Variants in PCDH9 observed in about 807,000 individuals in gnomAD.
PCDH9 encodes the protein protocadherin 9.
In PCDH9, 24 loss-of-function variants were observed where a neutral mutation model predicts 70.6. That is an observed-to-expected ratio of 0.34 (90% CI 0.25 to 0.48). The LOEUF (loss-of-function observed/expected upper bound fraction) is 0.48, where lower values mean the gene tolerates loss of function less well. PCDH9 is among the 20% of genes least tolerant of loss of function. The pLI is 0.99. For missense variants in PCDH9, 1,281 were observed against 1,503.6 expected (o/e 0.85, Z 2.45); for synonymous variants, 562 against 558.5 (o/e 1.01, Z -0.09).
At chr13:66,368,573 G>GTA (rs147768914) in intron 4 of PCDH9, among the ~76,000 whole-genome samples, 55 of 150,350 alleles carry the variant, frequency 3.7e-4, no homozygotes, top group East Asian at 7.8e-4. Context: ...GTATATTCGT[G>GTA]TATATATATA....
chr13:66,860,998 T>C (rs568907075), intron 3 of PCDH9, among the ~76,000 whole-genome samples: 3 of 152,314 alleles, frequency 2.0e-5, no homozygotes, highest in Non-Finnish European at 2.9e-5. Context: ...CCCACTTGAG[T>C]GCATTGACTT....
At chr13:66,709,300 C>T (rs2078760389) in intron 3 of PCDH9, among the ~76,000 whole-genome samples, 1 of 152,196 alleles carries the variant, frequency 6.6e-6, no homozygotes, top group African/African-American at 2.4e-5. Context: ...CTATATTTTA[C>T]ATTGCTATTT....
At chr13:67,138,589 C>T (rs534183585) in intron 2 of PCDH9, among the ~76,000 whole-genome samples, 8 of 152,250 alleles carry the variant, frequency 5.3e-5, no homozygotes, top group Admixed American at 4.6e-4. Flanking sequence ...GGGCGTACCC[C>T]GAGTCACCAA....
intron 4 of PCDH9, among the ~76,000 whole-genome samples, chr13:66,547,351 C>T (rs1176421358): frequency 2.0e-5 from 3 of 152,256 alleles, no homozygotes; most frequent in South Asian, 2.1e-4. Flanking sequence ...TAATATTCTG[C>T]ATTTCATAGT....
chr13:66,899,260 A>G (rs964816859), intron 3 of PCDH9, among the ~76,000 whole-genome samples: 1 of 151,976 alleles, frequency 6.6e-6, no homozygotes, highest in Non-Finnish European at 1.5e-5. Context: ...GATTTATAGC[A>G]GTGGCCCATC....
chr13:66,618,058 C>T (rs1201662339), intron 4 of PCDH9, among the ~76,000 whole-genome samples: 1 of 152,148 alleles, frequency 6.6e-6, no homozygotes, highest in Non-Finnish European at 1.5e-5. Context: ...CCCTCCTCTT[C>T]CTGGGTGGAA....
chr13:66,346,944 C>A (rs558973392), intron 4 of PCDH9, among the ~76,000 whole-genome samples: 1 of 152,160 alleles, frequency 6.6e-6, no homozygotes, highest in South Asian at 2.1e-4. Context: ...AGTGGAAATA[C>A]AAATGCTAAT....
chr13:66,848,521 C>T (rs772215268), intron 3 of PCDH9, among the ~76,000 whole-genome samples: 20 of 152,130 alleles, frequency 1.3e-4, no homozygotes, highest in Non-Finnish European at 2.1e-4. Flanking sequence ...AATATCCACA[C>T]TCTGTCACTA....
intron 3 of PCDH9, among the ~76,000 whole-genome samples, chr13:66,834,800 C>A (rs1322395842): frequency 6.6e-6 from 1 of 152,186 alleles, no homozygotes; most frequent in African/African-American, 2.4e-5. Flanking sequence ...GTAAGTGAAG[C>A]TTCCTACTGA....
intron 2 of PCDH9, among the ~76,000 whole-genome samples, chr13:66,913,544 T>A (rs538293543): frequency 6.6e-6 from 1 of 152,164 alleles, no homozygotes; most frequent in Non-Finnish European, 1.5e-5. Flanking sequence ...TCTATCATCA[T>A]CTGACTTAGT....
chr13:66,677,774 C>G (rs1053517314), intron 3 of PCDH9, among the ~76,000 whole-genome samples: 4 of 152,100 alleles, frequency 2.6e-5, no homozygotes, highest in Admixed American at 6.6e-5. Flanking sequence ...CGAAAGCCTA[C>G]AGAATTGTGA....
intron 2 of PCDH9, among the ~76,000 whole-genome samples, chr13:67,135,170 G>T (rs1278302430): frequency 6.6e-6 from 1 of 152,044 alleles, no homozygotes; most frequent in Non-Finnish European, 1.5e-5. Flanking sequence ...GCAGTTGATG[G>T]CAAGATGCAG....
chr13:67,089,225 C>A (rs1330949409), intron 2 of PCDH9, among the ~76,000 whole-genome samples: 2 of 151,940 alleles, frequency 1.3e-5, no homozygotes, highest in African/African-American at 4.8e-5. Flanking sequence ...ATTCAAATAT[C>A]ACATTTTCAC....
chr13:66,797,971 G>T (rs1188512394), intron 3 of PCDH9, among the ~76,000 whole-genome samples: 1 of 151,678 alleles, frequency 6.6e-6, no homozygotes, highest in Non-Finnish European at 1.5e-5. Flanking sequence ...GTGTGTGTGT[G>T]TGTGTGTGTG....
chr13:66,622,052 G>C (rs1310992897), intron 4 of PCDH9, among the ~76,000 whole-genome samples: 1 of 152,240 alleles, frequency 6.6e-6, no homozygotes, highest in Admixed American at 6.5e-5. Context: ...GCAGCCGGCC[G>C]GCCCTGTTGG....
At chr13:66,775,620 T>A (rs1012830197) in intron 3 of PCDH9, among the ~76,000 whole-genome samples, 1 of 152,170 alleles carries the variant, frequency 6.6e-6, no homozygotes, top group East Asian at 1.9e-4. Context: ...TAACCGATAA[T>A]AAATATACTC....
At chr13:67,076,089 C>T (rs1015799936) in intron 2 of PCDH9, among the ~76,000 whole-genome samples, 4 of 152,012 alleles carry the variant, frequency 2.6e-5, no homozygotes, top group African/African-American at 9.7e-5. Flanking sequence ...TCAACCATTT[C>T]AAAAAAGAAA....
chr13:66,355,382 CT>C (rs1439608311), intron 4 of PCDH9, among the ~76,000 whole-genome samples: 1 of 152,010 alleles, frequency 6.6e-6, no homozygotes, highest in Non-Finnish European at 1.5e-5. Context: ...AACCTCCTGC[CT>C]TTTTGTTTCA....
chr13:66,781,066 A>G (rs933290517), intron 3 of PCDH9, among the ~76,000 whole-genome samples: 1 of 152,228 alleles, frequency 6.6e-6, no homozygotes, highest in Non-Finnish European at 1.5e-5. Flanking sequence ...GTGGCCAATA[A>G]TAAGTTGTGT....
Sources: gnomAD v4.1 joint callset for allele counts (sites outside exome capture counted in the v4.1 genomes callset) on GRCh38, gnomAD v4.1.1 for gene constraint, MANE v1.5 for transcripts, NCBI Gene and HGNC (gene_info 2026-07-23, HGNC 2026-07-21) for gene names.